Variants in ORC4 observed in about 807,000 individuals in gnomAD.
ORC4 encodes origin recognition complex, subunit 4 homolog.
A neutral mutation model predicts 63.9 loss-of-function variants in ORC4; 55 were observed. The ratio of observed to expected loss-of-function variants is 0.86; its 90% CI spans 0.69 to 1.08. ORC4 has a LOEUF of 1.08. Among genes scored for constraint, ORC4 ranks in the 50% least tolerant of loss-of-function variants. The pLI is 0.00. For missense variants in ORC4, 511 were observed against 504.4 expected (o/e 1.01, Z -0.13); for synonymous variants, 150 against 168.5 (o/e 0.89, Z 0.85).
chr2:147,980,173 C>T (rs1167251560), intron 1 of ORC4, among the ~76,000 whole-genome samples: 2 of 151,872 alleles, frequency 1.3e-5, no homozygotes, highest in Non-Finnish European at 1.5e-5. Flanking sequence ...AATATGTAGT[C>T]GCTCCTCATC....
At chr2:147,972,663 T>G in intron 4 of ORC4, 76 bp downstream of exon 4, 2 of 696,052 alleles carry the variant, frequency 2.9e-6, no homozygotes, top group Non-Finnish European at 4.7e-6. Flanking sequence ...ATAAGATTTA[T>G]ATATGAATTT....
At chr2:147,996,132 C>T (rs1044687371) in intron 1 of ORC4, among the ~76,000 whole-genome samples, 14 of 152,048 alleles carry the variant, frequency 9.2e-5, no homozygotes, top group Admixed American at 5.9e-4. Context: ...GGTGAAACCC[C>T]GTCTCTACTA....
At chr2:147,937,335 T>A (rs1054476627) in intron 13 of ORC4, among the ~76,000 whole-genome samples, 1 of 152,122 alleles carries the variant, frequency 6.6e-6, no homozygotes, top group Admixed American at 6.6e-5. Flanking sequence ...AATTTTTTTT[T>A]AAACTTAAAA....
chr2:147,980,859 G>A (rs550589912), intron 1 of ORC4, among the ~76,000 whole-genome samples: 69 of 152,174 alleles, frequency 4.5e-4, no homozygotes, highest in African/African-American at 1.6e-3. Context: ...TCCCACTCCT[G>A]AATATCCATC....
At chr2:147,995,359 T>A (rs1691898355) in intron 1 of ORC4, among the ~76,000 whole-genome samples, 1 of 152,070 alleles carries the variant, frequency 6.6e-6, no homozygotes, top group African/African-American at 2.4e-5. Context: ...ATCAGCAGGA[T>A]GTGTGTGGGG....
At chr2:148,021,469 C>G (rs1290442139), upstream of ORC4, 1 of 578,290 alleles carries the variant, frequency 1.7e-6, no homozygotes, top group African/African-American at 1.9e-5. Context: ...GCTGTTGCTG[C>G]TGCTGCTGCT....
intron 10 of ORC4, among the ~76,000 whole-genome samples, chr2:147,942,708 G>A (rs1688432786): frequency 6.6e-6 from 1 of 151,658 alleles, no homozygotes; most frequent in South Asian, 2.1e-4. Context: ...CACTCTCACT[G>A]CTCTAATTCA....
intron 1 of ORC4, among the ~76,000 whole-genome samples, chr2:148,008,452 G>A (rs1464716808): frequency 2.0e-5 from 3 of 152,186 alleles, no homozygotes; most frequent in African/African-American, 7.2e-5. Flanking sequence ...TTAGATATGA[G>A]TTCTAAATTT....
At position 147,966,456 on chromosome 2, in the gene ORC4, A is replaced by G. The variant is rs1689898319; in HGVS notation, c.225+6283T>C. On this transcript the variant is annotated intron_variant, in intron 4 of 13. Transcript: ENST00000392857. The stretch of plus-strand genomic sequence containing the variant: ...AAAACAATACTACAAAAAATCACTG[A>G]AACAAAAGTTGCTTAGCTAGACTAA... Among the ~76,000 whole-genome samples the G allele has an allele frequency of 2.6e-5, 4 of 152,130 alleles. 1 individual carries two copies. The South Asian group carries it at 8.3e-4, about 31-fold the overall frequency.
chr2:147,973,607 T>C (rs1690355546), intron 2 of ORC4, 83 bp from the exon 3 acceptor site: 1 of 802,520 alleles, frequency 1.2e-6, no homozygotes, highest in Non-Finnish European at 2.1e-6. Flanking sequence ...TTTACAATAG[T>C]CAGAATTAGG....
chr2:148,017,595 T>C (rs1037714706), intron 1 of ORC4, among the ~76,000 whole-genome samples: 1 of 151,958 alleles, frequency 6.6e-6, no homozygotes, highest in Non-Finnish European at 1.5e-5. Context: ...TCACTTGAAC[T>C]TGGGAGGCGG....
intron 1 of ORC4, among the ~76,000 whole-genome samples, chr2:147,988,047 T>G (rs1456485901): frequency 1.4e-5 from 2 of 146,986 alleles, no homozygotes. Flanking sequence ...AGCGAGACTC[T>G]GTCTCAAAAA....
intron 4 of ORC4, among the ~76,000 whole-genome samples, chr2:147,967,379 CAT>C (rs1459847465): frequency 6.6e-6 from 1 of 151,762 alleles, no homozygotes; most frequent in Non-Finnish European, 1.5e-5. Context: ...TTGCAGATGA[CAT>C]AATCTTATAT....
chr2:148,010,559 A>G (rs1280842980), intron 1 of ORC4, among the ~76,000 whole-genome samples: 2 of 152,118 alleles, frequency 1.3e-5, no homozygotes, highest in Non-Finnish European at 2.9e-5. Flanking sequence ...AGACCATTTG[A>G]ACAACTGCAT....
intron 1 of ORC4, among the ~76,000 whole-genome samples, chr2:148,007,058 C>T (rs1692679990): frequency 1.3e-5 from 2 of 152,228 alleles, no homozygotes; most frequent in South Asian, 4.1e-4. Context: ...CGTTCCTGTG[C>T]TTTGGATGCT....
intron 6 of ORC4, among the ~76,000 whole-genome samples, chr2:147,957,388 T>C (rs1397534395): frequency 1.3e-5 from 2 of 151,852 alleles, no homozygotes; most frequent in Admixed American, 6.6e-5. Flanking sequence ...ATTAGAGCGA[T>C]GCCACCGCAT....
At chr2:147,980,067 A>G (rs1157800372) in intron 1 of ORC4, among the ~76,000 whole-genome samples, 4 of 152,136 alleles carry the variant, frequency 2.6e-5, no homozygotes, top group Non-Finnish European at 4.4e-5. Flanking sequence ...AACAGACATA[A>G]AACTAAAAAG....
intron 10 of ORC4, among the ~76,000 whole-genome samples, chr2:147,940,292 A>G (rs1688291838): frequency 6.6e-6 from 1 of 152,130 alleles, no homozygotes; most frequent in African/African-American, 2.4e-5. Context: ...CTTGAGCAGT[A>G]TACACTGCAT....
At position 147,935,255 on chromosome 2, in the gene ORC4, T is replaced by C. The variant is rs568283575; in HGVS notation, c.*255A>G. 4 of 484,842 alleles carry C rather than the reference T, an allele frequency of 8.3e-6. No individual in the cohort carries two copies. The Admixed American group carries it at 1.0e-4, about 12-fold the overall frequency. 30.0% of individuals were successfully genotyped at this position (484,842 alleles called of 1,614,324 possible). On this transcript the variant is annotated 3_prime_UTR_variant, in exon 14 of 14. Transcript: ENST00000392857. ...TATATATAAGTGTTAAAAAAGCACA[T>C]GGTCTAGTCCCTAAAACAGTCATAT...
Sources: allele counts gnomAD v4.1 joint callset (sites outside exome capture counted in the v4.1 genomes callset), GRCh38; gene constraint gnomAD v4.1.1; transcripts MANE v1.5; gene names NCBI Gene and HGNC (gene_info 2026-07-23, HGNC 2026-07-21).